The following NECAB1 variants were observed in gnomAD, a reference collection of about 807,000 sequenced individuals.
The protein encoded by NECAB1 is N-terminal EF-hand calcium-binding protein 1.
In NECAB1, 29 loss-of-function variants were observed where a neutral mutation model predicts 57.5. The ratio of observed to expected loss-of-function variants is 0.50; its 90% confidence interval spans 0.38 to 0.69. The LOEUF (loss-of-function observed/expected upper bound fraction) is 0.69. NECAB1 is among the 30% of genes least tolerant of loss of function. The pLI is 0.00. For missense variants in NECAB1, 372 were observed against 413.8 expected (o/e 0.90, Z 0.88); for synonymous variants, 142 against 147.7 (o/e 0.96, Z 0.28).
chr8:90,805,847 ACATTCATCAC>A (rs1482294280), intron 2 of NECAB1, among the ~76,000 whole-genome samples: 1 of 152,208 alleles, frequency 6.6e-6, no homozygotes, highest in Non-Finnish European at 1.5e-5. Context: ...ATTAATTAAA[ACATTCATCAC>A]CACCCATCGT....
At chr8:90,950,710 G>A (rs913111849) in intron 11 of NECAB1, among the ~76,000 whole-genome samples, 1 of 152,090 alleles carries the variant, frequency 6.6e-6, no homozygotes, top group East Asian at 1.9e-4. Flanking sequence ...AGAAGGAAAC[G>A]AGGTAACTTA....
At chr8:90,880,828 T>A (rs1291898377) in intron 4 of NECAB1, among the ~76,000 whole-genome samples, 2 of 152,184 alleles carry the variant, frequency 1.3e-5, no homozygotes, top group Admixed American at 6.5e-5. Context: ...ATGGTAATCA[T>A]TCAGATTTCC....
intron 7 of NECAB1, among the ~76,000 whole-genome samples, chr8:90,926,796 C>T (rs1299693255): frequency 6.6e-6 from 1 of 152,144 alleles, no homozygotes; most frequent in African/African-American, 2.4e-5. Context: ...TGTCTGGTAC[C>T]TCTCCATTGG....
At chr8:90,929,224 C>A (rs569347214) in intron 8 of NECAB1, among the ~76,000 whole-genome samples, 23 of 152,216 alleles carry the variant, frequency 1.5e-4, no homozygotes, top group African/African-American at 5.3e-4. Context: ...TAAAATCTAT[C>A]CATGCTCACC....
chr8:90,872,182 C>A, intron 4 of NECAB1, 29 bp downstream of exon 4: 1 of 1,510,864 alleles, frequency 6.6e-7, no homozygotes, highest in Non-Finnish European at 9.0e-7. Flanking sequence ...TCAGTCAAAC[C>A]TATTACTTGC....
intron 3 of NECAB1, among the ~76,000 whole-genome samples, chr8:90,852,590 C>A (rs1812705653): frequency 6.6e-6 from 1 of 152,178 alleles, no homozygotes. Context: ...ACCCTGCCCT[C>A]CATCCTCTGC....
intron 9 of NECAB1, among the ~76,000 whole-genome samples, chr8:90,939,380 A>G (rs1169005894): frequency 6.6e-6 from 1 of 152,182 alleles, no homozygotes; most frequent in Non-Finnish European, 1.5e-5. Context: ...AACCAGATCC[A>G]AGGGGAGGGA....
chr8:90,813,358 T>G (rs1297374583), intron 2 of NECAB1, among the ~76,000 whole-genome samples: 1 of 151,846 alleles, frequency 6.6e-6, no homozygotes, highest in African/African-American at 2.4e-5. Context: ...TGTCTAGAGT[T>G]AAGAAACTGA....
At chr8:90,919,850 C>G (rs1810060922) in intron 6 of NECAB1, among the ~76,000 whole-genome samples, 1 of 152,144 alleles carries the variant, frequency 6.6e-6, no homozygotes, top group African/African-American at 2.4e-5. Flanking sequence ...TGAAAAAGTG[C>G]TCTACTCCCC....
In NECAB1 at chr8:90,955,495, T is replaced by G; in HGVS notation, c.1039T>G (p.Trp347Gly). 6.4e-7 allele frequency: 1 copy of G among 1,553,780 alleles called. No individual in the cohort carries two copies. The highest frequency in any genetic ancestry group is 8.7e-7 in the Non-Finnish European group (1 of 1,147,062). The change falls in exon 13 of 13, where the codon TGG (tryptophan) becomes GGG (glycine). Residue 347 changes from tryptophan to glycine, a missense_variant. Trp to Gly is a radical substitution (Grantham distance 184, BLOSUM62 -2). Transcript: ENST00000417640. Reference protein sequence around the residue: ...TSTMLVPASWWILNN With the variant: ...TSTMLVPASWGILNN ...CATTTTTCTCTTTTCAGCTTCGTGG[T>G]GGATCCTGAACAACTAGATGTTCCT...
At chr8:90,951,284 T>C in intron 12 of NECAB1, 80 bp downstream of exon 12, 1 of 758,888 alleles carries the variant, frequency 1.3e-6, no homozygotes, top group Non-Finnish European at 2.2e-6. Context: ...GTATGCTCTT[T>C]CCTTCTATAT....
chr8:90,896,727 C>A (rs927582591), intron 5 of NECAB1, among the ~76,000 whole-genome samples: 1 of 152,148 alleles, frequency 6.6e-6, no homozygotes, highest in Non-Finnish European at 1.5e-5. Flanking sequence ...TTTCGATTAT[C>A]TACTCCACCC....
intron 3 of NECAB1, among the ~76,000 whole-genome samples, chr8:90,846,114 T>A (rs375612179): frequency 1.3e-5 from 2 of 152,344 alleles, no homozygotes; most frequent in East Asian, 3.9e-4. Flanking sequence ...CCAGCTTTAA[T>A]GTAATGCCGA....
intron 3 of NECAB1, among the ~76,000 whole-genome samples, chr8:90,864,822 T>C (rs116999070): frequency 0.011 from 1,720 of 152,184 alleles, 16 homozygotes; most frequent in South Asian, 0.058. Context: ...CCTTAGCCAC[T>C]TCAGAGGTAA....
Position 90,958,998 on chromosome 8 carries a change from C to G in NECAB1, c.*3486C>G. ...ATGTCCAAACTTAAATTCATCTGTT[C>G]TTAAAATGCTACTTAAAACTTTGGT... is the stretch of plus-strand genomic sequence containing the variant. On this transcript the variant is annotated 3_prime_UTR_variant, in exon 13 of 13. Coordinates refer to ENST00000417640, the MANE Select transcript of NECAB1 (RefSeq NM_022351.5). 7.1e-7 allele frequency: 1 copy of G among 1,408,426 alleles called. No individual in the cohort carries two copies. The highest frequency in any genetic ancestry group is 9.5e-7 in the Non-Finnish European group (1 of 1,052,794). The allele number at this position is 1,408,426 out of a possible 1,614,324, so 87.2% of individuals were successfully genotyped here. A position where few individuals can be genotyped will look rare whatever the true frequency, so the allele number is the denominator to read the frequency against.
chr8:90,924,971 T>C (rs1454769714), intron 6 of NECAB1, among the ~76,000 whole-genome samples: 2 of 151,598 alleles, frequency 1.3e-5, no homozygotes, highest in East Asian at 1.9e-4. Flanking sequence ...ATATACTGTA[T>C]ATAATATATA....
rs1234665098 is a variant in NECAB1, at chr8:90,955,112, T to TTAATTTTATATATATA, written c.1031-373_1031-372insATTTTATATATATATA. ...ATTTCATAAATATTGGGTATATAAA[T>TTAATTTTATATATATA]TATATATATATATATATATATATAT... On this transcript the variant is annotated intron_variant, in intron 12 of 12. Transcript: ENST00000417640. Among the ~76,000 whole-genome samples the TTAATTTTATATATATA allele has an allele frequency of 4.2e-5, 3 of 70,816 alleles. 1 individual carries two copies. Among genetic ancestry groups the TTAATTTTATATATATA allele is most frequent in the African/African-American group, 1.4e-4 (3 of 21,192 alleles). 46.5% of individuals were successfully genotyped at this position (70,816 alleles called of 152,430 possible). A position where few individuals can be genotyped will look rare whatever the true frequency, so the allele number is the denominator to read the frequency against.
intron 9 of NECAB1, among the ~76,000 whole-genome samples, chr8:90,936,110 A>G (rs1174011523): frequency 6.6e-6 from 1 of 152,116 alleles, no homozygotes; most frequent in Admixed American, 6.6e-5. Flanking sequence ...AAAACCTCCT[A>G]TATTCAGAAT....
intron 3 of NECAB1, among the ~76,000 whole-genome samples, chr8:90,856,993 A>T (rs1812806677): frequency 6.6e-6 from 1 of 152,262 alleles, no homozygotes; most frequent in African/African-American, 2.4e-5. Flanking sequence ...AGTGCTGACA[A>T]CAGAAGAAAT....
Sources: gnomAD v4.1 joint callset for allele counts (sites outside exome capture counted in the v4.1 genomes callset) on GRCh38, gnomAD v4.1.1 for gene constraint, MANE v1.5 for transcripts, NCBI Gene and HGNC (gene_info 2026-07-23, HGNC 2026-07-21) for gene names.